HOOK2: variants seen among roughly 807,000 people sequenced by gnomAD.
The protein encoded by HOOK2 is protein Hook homolog 2.
In HOOK2, 108 loss-of-function variants were observed where a neutral mutation model predicts 111.9. That is an observed-to-expected ratio of 0.96 (90% CI 0.83 to 1.13). The LOEUF (loss-of-function observed/expected upper bound fraction) is 1.13, where lower values mean the gene tolerates loss of function less well. Among genes scored for constraint, HOOK2 ranks in the 50% most tolerant of loss-of-function variants. The probability of loss-of-function intolerance (pLI) is 0.00; values close to 1 mark genes in which losing one functional copy is unlikely to be tolerated. For synonymous variants in HOOK2, 405 were observed against 394.3 expected, an observed-to-expected ratio of 1.03 and a Z score of -0.32; for missense variants, 978 against 951.3, an observed-to-expected ratio of 1.03 and a Z score of -0.37.
chr19:12,769,777 C>T (rs1044299415), intron 11 of HOOK2, 104 bp downstream of exon 11: 2 of 950,162 alleles, frequency 2.1e-6, no homozygotes, highest in African/African-American at 1.8e-5. Context: ...GCGTGGCCTA[C>T]GTACAAATAA....
rs886651597 is a variant in HOOK2, at chr19:12,790,003, C to G, written n.42-15778G>C. ...GGGCCGGCCCGCGCTCAGTCCTGCC[C>G]GCGGACTCCCGCCTGTTGCCATGGC... On this transcript the variant is annotated intron_variant and non_coding_transcript_variant, in intron 3 of 3. Transcript: ENST00000589765. This position sits in a 1 kb window ranked among gnomAD's most constrained non-coding sequence, Gnocchi z 7.2. Among the ~76,000 whole-genome samples, 1 of 152,162 alleles carries G rather than the reference C, an allele frequency of 6.6e-6. No individual in the cohort carries two copies. Among genetic ancestry groups the G allele is most frequent in the African/African-American group, 2.4e-5 (1 of 41,464 alleles).
rs747347485 is a variant in HOOK2, at chr19:12,763,507, G to C, written c.2010+21C>G. On this transcript the variant is annotated intron_variant, in intron 22 of 22. Transcript: ENST00000397668. ...CCAATATTCTACCCATGAGATCTTA[G>C]AGCCCAGACCCCACACTTACCATAT... 8.1e-6 allele frequency: 13 copies of C among 1,614,036 alleles called. No homozygotes were observed. The highest frequency in any genetic ancestry group is 1.1e-5 in the Non-Finnish European group (13 of 1,180,030).
chr19:12,764,683 CTG>C (rs1403793197), intron 20 of HOOK2, 129 bp downstream of exon 20: 5 of 729,880 alleles, frequency 6.9e-6, no homozygotes, highest in Non-Finnish European at 1.2e-5. Flanking sequence ...ATGCAGAAGT[CTG>C]TCTTATGGTG....
At chr19:12,770,205 G>A in intron 10 of HOOK2, 123 bp from the exon 11 acceptor site, 2 of 815,234 alleles carry the variant, frequency 2.5e-6, no homozygotes, top group Non-Finnish European at 3.6e-6. Flanking sequence ...AAGGTGAAGG[G>A]GTCATGAAAG....
intron 14 of HOOK2, among the ~76,000 whole-genome samples, chr19:12,766,862 C>T (rs1421881459): frequency 6.6e-6 from 1 of 152,182 alleles, no homozygotes; most frequent in African/African-American, 2.4e-5. Flanking sequence ...GGATTACAGG[C>T]GTGAGCCACC....
At chr19:12,775,134 T>C (rs1568374460) in intron 1 of HOOK2, 4 of 960,634 alleles carry the variant, frequency 4.2e-6, no homozygotes, top group South Asian at 9.6e-5. Flanking sequence ...GCGAGTCACC[T>C]GGGCCCCACA....
chr19:12,775,380 C>A, intron 1 of HOOK2, 25 bp downstream of exon 1: 2 of 1,608,954 alleles, frequency 1.2e-6, no homozygotes, highest in South Asian at 1.1e-5. Context: ...CGCTCACCTT[C>A]CCCTAGCCCC....
chr19:12,774,927 A>C, intron 1 of HOOK2, 30 bp from the exon 2 acceptor site: 2 of 1,598,686 alleles, frequency 1.3e-6, no homozygotes, highest in Non-Finnish European at 1.7e-6. Flanking sequence ...ACAAGGAAAG[A>C]GTTAGGGCCT....
upstream of HOOK2, among the ~76,000 whole-genome samples, chr19:12,781,172 G>A (rs1232402748): frequency 1.4e-5 from 2 of 142,142 alleles, no homozygotes; most frequent in Non-Finnish European, 1.5e-5. Flanking sequence ...GCATGGTGGC[G>A]GGCGCCTGTG....
upstream of HOOK2, among the ~76,000 whole-genome samples, chr19:12,777,162 AT>A (rs1391647935): frequency 2.3e-5 from 3 of 131,938 alleles, no homozygotes; most frequent in Non-Finnish European, 5.2e-5. Flanking sequence ...CTCAAAAAAA[AT>A]AAATAAAATA....
At chr19:12,774,613 C>G in intron 3 of HOOK2, 56 bp downstream of exon 3, 1 of 1,552,924 alleles carries the variant, frequency 6.4e-7, no homozygotes, top group East Asian at 2.2e-5. Flanking sequence ...CCTAGCTGGC[C>G]CGTCCCTGGT....
Position 12,770,085 on chromosome 19 carries a change from A to G in HOOK2, c.903-3T>C, listed in dbSNP as rs1464002022. On this transcript the variant is annotated splice_region_variant and splice_polypyrimidine_tract_variant and intron_variant, in intron 10 of 22. Transcript: ENST00000397668. Reference sequence around the variant, plus strand: ...GCCCAGCACGCTCCGAAGACTGCCTAGGGGAGTGGGAGGGAAGGGGGAGGG... The same window carrying G: ...GCCCAGCACGCTCCGAAGACTGCCTGGGGGAGTGGGAGGGAAGGGGGAGGG... 1 of 1,491,834 alleles carries G rather than the reference A, an allele frequency of 6.7e-7. No homozygotes were observed. The highest frequency in any genetic ancestry group is 2.7e-5 in the East Asian group (1 of 36,824). The allele number at this position is 1,491,834 out of a possible 1,614,324, so 92.4% of individuals were successfully genotyped here.
At chr19:12,774,624 C>T in intron 3 of HOOK2, 45 bp downstream of exon 3, 1 of 1,596,134 alleles carries the variant, frequency 6.3e-7, no homozygotes, top group South Asian at 1.1e-5. Flanking sequence ...CGTCCCTGGT[C>T]ATCTCTTCAC....
Position 12,784,244 on chromosome 19 carries a change from T to G in HOOK2, n.42-10019A>C, listed in dbSNP as rs181950536. ...GGGCGGGCGGGGGGCTGTAGGAATG[T>G]ACACACAGTCACCCCGAGAGAGCCA... On this transcript the variant is annotated intron_variant and non_coding_transcript_variant, in intron 3 of 3. Coordinates refer to the HOOK2 transcript ENST00000589765. Among the ~76,000 whole-genome samples the G allele has an allele frequency of 9.2e-4, 140 of 152,026 alleles. 1 individual carries two copies. The East Asian group carries it at 0.022, about 24-fold the overall frequency.
intron 11 of HOOK2, 61 bp downstream of exon 11, chr19:12,769,820 C>A: frequency 7.6e-7 from 1 of 1,324,056 alleles, no homozygotes. Flanking sequence ...GAGGGCTGGC[C>A]AACGGTGAGA....
At position 12,774,700 on chromosome 19, in the gene HOOK2, G is replaced by T; in HGVS notation, c.173C>A (p.Ser58Ter). Reference protein sequence around the residue: ...WFNEAWLQGISEDPGPNWKLK... With the variant: ...WFNEAWLQGI ...CTTCCAGTTGGGACCTGGATCTTCC[G>T]AGATGCCCTGGAGCCATGCCTCGTT... The change falls in exon 3 of 23, where the codon TCG (serine) becomes TAG (stop). Residue 58 changes from serine (S) to a stop codon, truncating the protein, a stop_gained. Transcript: ENST00000397668. LOFTEE classifies it high-confidence loss of function. The T allele has an allele frequency of 1.2e-6, 2 of 1,614,140 alleles. No homozygotes were observed. The highest frequency in any genetic ancestry group is 1.7e-6 in the Non-Finnish European group (2 of 1,180,016).
Position 12,767,807 on chromosome 19 carries a change from T to G in HOOK2, c.1303+9A>C. On this transcript the variant is annotated intron_variant, in intron 13 of 22. Coordinates refer to ENST00000397668, the MANE Select transcript of HOOK2 (RefSeq NM_013312.3). ...ACAGGTAAGACCCCGGGATGGGGCTTCATCTCACCGGCCTGGGTCAACCCC... is the reference window on the plus strand; with the variant it reads ...ACAGGTAAGACCCCGGGATGGGGCTGCATCTCACCGGCCTGGGTCAACCCC... 6.2e-7 allele frequency: 1 copy of G among 1,600,186 alleles called. No individual in the cohort carries two copies. Among genetic ancestry groups the G allele is most frequent in the Non-Finnish European group, 8.5e-7 (1 of 1,179,400 alleles).
At chr19:12,775,004 CGCTGCTCCGCCACA>C (rs1599507006) in intron 1 of HOOK2, 107 bp from the exon 2 acceptor site, 2 of 1,191,032 alleles carry the variant, frequency 1.7e-6, no homozygotes, top group East Asian at 5.1e-5. Context: ...GTGGGGCGGG[CGCTGCTCCGCCACA>C]GCAGCTCTGC....
Position 12,767,474 on chromosome 19 carries a change from G to A in HOOK2, c.1304-10C>T. On this transcript the variant is annotated splice_polypyrimidine_tract_variant and intron_variant, in intron 13 of 22. Coordinates refer to ENST00000397668, the MANE Select transcript of HOOK2 (RefSeq NM_013312.3). ...GGATCCAGTGAGGGATCTGAAGAAT[G>A]CGAGAAAAGTCTTCAGGTCTCTTCG... 1 of 1,611,546 alleles carries A rather than the reference G, an allele frequency of 6.2e-7. No homozygotes were observed. Among genetic ancestry groups the A allele is most frequent in the Non-Finnish European group, 8.5e-7 (1 of 1,177,648 alleles).
Sources: allele counts gnomAD v4.1 joint callset (sites outside exome capture counted in the v4.1 genomes callset), GRCh38; gene constraint gnomAD v4.1.1; non-coding constraint Gnocchi (gnomAD v3.1); transcripts MANE v1.5; gene names NCBI Gene and HGNC (gene_info 2026-07-23, HGNC 2026-07-21).